Variants in BCAS3 observed in about 807,000 individuals in gnomAD.
BCAS3 encodes BCAS3 microtubule associated cell migration factor.
Under a neutral mutation model 116.1 loss-of-function variants are expected in BCAS3, and 53 were observed. The ratio of observed to expected loss-of-function variants is 0.46; its 90% confidence interval spans 0.37 to 0.57. The LOEUF (loss-of-function observed/expected upper bound fraction) is 0.57. Among genes scored for constraint, BCAS3 ranks in the 20% least tolerant of loss-of-function variants. The pLI is 0.00. For missense variants in BCAS3, 917 were observed against 1,165.4 expected (o/e 0.79, Z 3.10); for synonymous variants, 391 against 408.2 (o/e 0.96, Z 0.51).
rs543844255 is a variant in BCAS3, at chr17:61,171,482, A to T, written c.2425+86918A>T. ...TTGAATGTAAATGGTCTAAACACTC[A>T]ATTAAAAGACAGGAAATGTAAGATT... On this transcript the variant is annotated intron_variant, in intron 22 of 23. Coordinates refer to ENST00000407086, the MANE Select transcript of BCAS3 (RefSeq NM_017679.5). This position sits in a 1 kb window ranked among gnomAD's most constrained non-coding sequence, Gnocchi z 4.1. Among the ~76,000 whole-genome samples the T allele has an allele frequency of 2.0e-5, 3 of 152,322 alleles. No homozygotes were observed. In the South Asian group the frequency reaches 6.2e-4, roughly 32 times the overall value.
chr17:60,959,882 G>A (rs1267757238), intron 14 of BCAS3, among the ~76,000 whole-genome samples: 1 of 152,152 alleles, frequency 6.6e-6, no homozygotes, highest in Non-Finnish European at 1.5e-5. Context: ...ATGGCCTTTA[G>A]CATTCTTTGA....
chr17:61,163,403 G>C (rs564862466), intron 22 of BCAS3, among the ~76,000 whole-genome samples: 1 of 148,294 alleles, frequency 6.7e-6, no homozygotes, highest in Non-Finnish European at 1.5e-5. Context: ...CAGCCTGGGC[G>C]ACAGAGCGAG....
intron 9 of BCAS3, among the ~76,000 whole-genome samples, chr17:60,881,625 A>G (rs1260424587): frequency 8.0e-6 from 1 of 124,912 alleles, no homozygotes; most frequent in Non-Finnish European, 1.6e-5. Context: ...AGAGTGTGAT[A>G]TTCCCCTTCC....
chr17:61,078,313 T>C lies in BCAS3; in HGVS notation c.2131-20T>C, dbSNP rs199705936. The C allele has an allele frequency of 3.0e-5, 47 of 1,590,776 alleles. No homozygotes were observed. The highest frequency in any genetic ancestry group is 2.4e-4 in the Admixed American group (14 of 57,658). ...TCAGGATCACAAACCATTTAAATCA[T>C]CATTGCTACTCCATTCCAGGTTGAA... On this transcript the variant is annotated intron_variant, in intron 20 of 23. Transcript: ENST00000407086.
intron 5 of BCAS3, among the ~76,000 whole-genome samples, chr17:60,731,972 G>A (rs895181775): frequency 1.3e-5 from 2 of 151,634 alleles, no homozygotes; most frequent in Admixed American, 6.6e-5. Context: ...ATGGGGTTTC[G>A]CGATGTTGTC....
Position 60,924,448 on chromosome 17 carries a change from C to T in BCAS3, c.1035C>T (p.Ala345=), listed in dbSNP as rs2059263000. 3 of 1,613,086 alleles carry T rather than the reference C, an allele frequency of 1.9e-6. No homozygotes were observed. The highest frequency in any genetic ancestry group is 2.5e-6 in the Non-Finnish European group (3 of 1,179,834). Residue 345 remains alanine (A), a synonymous_variant, in exon 13 of 24, where the codon GCC becomes GCT. Coordinates refer to ENST00000407086, the MANE Select transcript of BCAS3 (RefSeq NM_017679.5). ...ATTCTGACAGTGATGGCATTGTGGC[C>T]CACTTCCCTGCCCATGAGAAGCCAG... ...SEDSDSDGIV[A]HFPAHEKPVC...
chr17:60,756,116 G>A (rs1598480927), intron 6 of BCAS3, among the ~76,000 whole-genome samples: 1 of 146,910 alleles, frequency 6.8e-6, no homozygotes, highest in African/African-American at 2.4e-5. Flanking sequence ...TGGATGGGGG[G>A]CGTGGTGGGG....
At chr17:60,698,793 C>T (rs150640429) in intron 4 of BCAS3, among the ~76,000 whole-genome samples, 1 of 151,990 alleles carries the variant, frequency 6.6e-6, no homozygotes, top group African/African-American at 2.4e-5. Context: ...CAGTGGCTCA[C>T]GCCTGTAATC....
rs2055567558 is a variant in BCAS3, at chr17:61,324,501, T to C, written c.2426-43826T>C. 6.6e-6 allele frequency among the ~76,000 whole-genome samples: 1 copy of C among 152,206 alleles called. No homozygotes were observed. Among genetic ancestry groups the C allele is most frequent in the Non-Finnish European group, 1.5e-5 (1 of 68,028 alleles). On this transcript the variant is annotated intron_variant, in intron 22 of 23. Transcript: ENST00000407086. This position sits in a 1 kb window ranked among gnomAD's most constrained non-coding sequence, Gnocchi z 4.6. Reference sequence around the variant, plus strand: ...CAGTTCTAGTATATCCTGACTATGGTATATCTATATATATCCTGACCCCGG... The same window carrying C: ...CAGTTCTAGTATATCCTGACTATGGCATATCTATATATATCCTGACCCCGG...
chr17:61,246,526 G>T (rs1488096668), intron 22 of BCAS3, among the ~76,000 whole-genome samples: 1 of 148,320 alleles, frequency 6.7e-6, no homozygotes, highest in African/African-American at 2.5e-5. Flanking sequence ...CAGTCCCCTA[G>T]GTCTCTCCTT....
At chr17:60,926,580 T>C (rs2059375698) in intron 13 of BCAS3, among the ~76,000 whole-genome samples, 1 of 152,090 alleles carries the variant, frequency 6.6e-6, no homozygotes, top group Non-Finnish European at 1.5e-5. Flanking sequence ...ATTCTGTGAG[T>C]GTTGTGGGAA....
In BCAS3 at chr17:60,798,886, A is replaced by G. The variant is rs906320668; in HGVS notation, c.404-9118A>G. The stretch of plus-strand genomic sequence containing the variant: ...AATTTGGTCGTTCTGGTAGCTGTGC[A>G]ATGGTATCTCATTGTTTTAGTCTAT... On this transcript the variant is annotated intron_variant, in intron 6 of 23. Coordinates refer to ENST00000407086, the MANE Select transcript of BCAS3 (RefSeq NM_017679.5). 4.6e-5 allele frequency among the ~76,000 whole-genome samples: 7 copies of G among 152,338 alleles called. No homozygotes were observed. The East Asian group carries it at 1.3e-3, about 29-fold the overall frequency.
intron 22 of BCAS3, among the ~76,000 whole-genome samples, chr17:61,192,195 G>A (rs1046645639): frequency 3.1e-5 from 4 of 127,980 alleles, no homozygotes; most frequent in Non-Finnish European, 4.7e-5. Context: ...GCAGTGAGCC[G>A]AGATTGCACC....
At chr17:61,025,551 C>A (rs1056654215) in intron 16 of BCAS3, among the ~76,000 whole-genome samples, 1 of 152,052 alleles carries the variant, frequency 6.6e-6, no homozygotes, top group Admixed American at 6.6e-5. Context: ...TACTCGTGCA[C>A]ATACCAGCTT....
chr17:60,682,054 T>C (rs2033236862), intron 2 of BCAS3, among the ~76,000 whole-genome samples: 1 of 152,034 alleles, frequency 6.6e-6, no homozygotes, highest in African/African-American at 2.4e-5. Flanking sequence ...TTGGTAGAGA[T>C]GGGGTTTCAT....
chr17:60,953,369 A>G (rs553951416), intron 14 of BCAS3, among the ~76,000 whole-genome samples: 1 of 152,058 alleles, frequency 6.6e-6, no homozygotes, highest in South Asian at 2.1e-4. Context: ...ATTCTTTTGA[A>G]AAGTGTCTGT....
At chr17:61,070,325 A>G (rs1250677536) in intron 19 of BCAS3, 18 of 990,470 alleles carry the variant, frequency 1.8e-5, no homozygotes, top group Non-Finnish European at 2.8e-5. Context: ...GTTGCCAACA[A>G]AATTGGGATC....
intron 7 of BCAS3, chr17:60,810,693 G>T: frequency 1.5e-6 from 1 of 667,510 alleles, no homozygotes. Flanking sequence ...CCATGCCCTA[G>T]TCTGTGGAGA....
chr17:60,737,861 A>G (rs934888651), intron 5 of BCAS3, among the ~76,000 whole-genome samples: 4 of 152,040 alleles, frequency 2.6e-5, no homozygotes, highest in South Asian at 2.1e-4. Context: ...ATCTTGGCTC[A>G]CTACAACCCT....
Sources: allele counts gnomAD v4.1 joint callset (sites outside exome capture counted in the v4.1 genomes callset), GRCh38; gene constraint gnomAD v4.1.1; non-coding constraint Gnocchi (gnomAD v3.1); transcripts MANE v1.5; gene names NCBI Gene and HGNC (gene_info 2026-07-23, HGNC 2026-07-21).